Variants in MPHOSPH9 observed in about 807,000 individuals in gnomAD.
MPHOSPH9 encodes M-phase phosphoprotein 9.
MPHOSPH9 carries 88 observed loss-of-function variants against 145.5 expected under a neutral mutation model. The ratio of observed to expected loss-of-function variants is 0.60; its 90% confidence interval spans 0.51 to 0.72. The LOEUF (loss-of-function observed/expected upper bound fraction) is 0.72. Among genes scored for constraint, MPHOSPH9 ranks in the 30% least tolerant of loss-of-function variants. MPHOSPH9 has a pLI of 0.00. For synonymous variants in MPHOSPH9, 435 were observed against 486.2 expected (o/e 0.89, Z 1.39); for missense variants, 1,238 against 1,386.6 (o/e 0.89, Z 1.70).
intron 1 of MPHOSPH9, among the ~76,000 whole-genome samples, chr12:123,231,519 A>G (rs1385839065): frequency 6.6e-6 from 1 of 152,062 alleles, no homozygotes; most frequent in East Asian, 1.9e-4. Context: ...CTGTGCAGCT[A>G]TTCTTAGAAA....
At chr12:123,220,467 A>C (rs2047150530) in intron 5 of MPHOSPH9, among the ~76,000 whole-genome samples, 1 of 151,102 alleles carries the variant, frequency 6.6e-6, no homozygotes, top group African/African-American at 2.4e-5. Flanking sequence ...AGGAGACTTA[A>C]GGCAGGAGTA....
chr12:123,161,231 T>G lies in MPHOSPH9; in HGVS notation c.3286A>C (p.Thr1096Pro). ...SYEQCKPVSV[T>P]PQGNDFEYTA... ...TATTCAAAATCATTCCCCTGTGGAG[T>G]GACTGAAACCGGCTTACACTGTTCG... is the stretch of plus-strand genomic sequence containing the variant. Residue 1096 changes from threonine (T) to proline (P), a missense_variant, in exon 22 of 24, where the codon ACT becomes CCT. Physicochemically the swap from Thr to Pro is conservative, Grantham distance 38 (BLOSUM62 -1). This residue lies in a region of MPHOSPH9 where 393 missense variants were observed against 462.5 expected (regional missense o/e 0.85). Transcript: ENST00000606320. 1 of 1,614,148 alleles carries G rather than the reference T, an allele frequency of 6.2e-7. No homozygotes were observed. Among genetic ancestry groups the G allele is most frequent in the Non-Finnish European group, 8.5e-7 (1 of 1,180,022 alleles).
intron 3 of MPHOSPH9, 136 bp from the exon 4 acceptor site, chr12:123,223,263 G>A: frequency 2.2e-6 from 1 of 451,240 alleles, no homozygotes; most frequent in Admixed American, 4.1e-5. Context: ...CACTCTCATA[G>A]CTAGAGTATG....
chr12:123,207,628 C>T (rs1014429321), intron 8 of MPHOSPH9, among the ~76,000 whole-genome samples: 2 of 151,964 alleles, frequency 1.3e-5, no homozygotes, highest in African/African-American at 4.8e-5. Flanking sequence ...CCAAGGCGGG[C>T]GGATCACCTG....
At chr12:123,232,174 C>T (rs2047669710) in intron 1 of MPHOSPH9, among the ~76,000 whole-genome samples, 1 of 151,584 alleles carries the variant, frequency 6.6e-6, no homozygotes, top group South Asian at 2.1e-4. Context: ...GCTATTACAC[C>T]AGGAAAACAC....
intron 13 of MPHOSPH9, among the ~76,000 whole-genome samples, chr12:123,193,131 A>C: frequency 6.7e-6 from 1 of 148,850 alleles, no homozygotes; most frequent in South Asian, 2.1e-4. Context: ...ACACACACAC[A>C]CACACACACA....
rs765259820 is a variant in MPHOSPH9, at chr12:123,165,391, G to A, written c.2678C>T (p.Thr893Met). Residue 893 changes from threonine to methionine, a missense_variant, in exon 18 of 24, where the codon ACG becomes ATG. Physicochemically the swap from Thr to Met is moderately conservative, Grantham distance 81. Transcript: ENST00000606320. ...LIKKQRETSDTPIMRALKELD... is the reference protein window; with the variant it reads ...LIKKQRETSDMPIMRALKELD... ...TTCTTTTAAAGCTCTCATGATCGGC[G>A]TGTCTGAAGTCTCTCTTTGCTTTTT... is the stretch of plus-strand genomic sequence containing the variant. 5.9e-5 allele frequency: 95 copies of A among 1,613,484 alleles called. No homozygotes were observed. The highest frequency in any genetic ancestry group is 4.2e-4 in the South Asian group (38 of 91,074).
intron 19 of MPHOSPH9, 40 bp from the exon 20 acceptor site, chr12:123,163,174 A>G (rs1403342726): frequency 7.8e-6 from 12 of 1,534,380 alleles, no homozygotes; most frequent in Non-Finnish European, 9.6e-6. Context: ...TTTTCCTTCT[A>G]TATGTATCAG....
At chr12:123,180,040 G>T (rs1035654166) in intron 14 of MPHOSPH9, 50 bp from the exon 15 acceptor site, 1 of 1,008,306 alleles carries the variant, frequency 9.9e-7, no homozygotes, top group South Asian at 1.8e-5. Context: ...ATATTCACAT[G>T]AATTATTTTA....
chr12:123,230,642 A>G (rs187969709), intron 1 of MPHOSPH9, 120 bp from the exon 2 acceptor site: 3 of 254,066 alleles, frequency 1.2e-5, no homozygotes, highest in Admixed American at 1.1e-4. Flanking sequence ...GGATAGCAAC[A>G]GTATTCATAA....
chr12:123,214,816 T>TAGA lies in MPHOSPH9; in HGVS notation c.1014_1015insTCT (p.Ala338_Thr339insSer). On this transcript the variant is annotated inframe_insertion, in exon 7 of 24. Transcript: ENST00000606320. ...CTGAGGTAAAAAGCACGAGGATGTG[T>TAGA]AGCAGCAGCAAAATCAGACTACAAG... The TAGA allele has an allele frequency of 6.2e-7, 1 of 1,613,164 alleles. No homozygotes were observed. Among genetic ancestry groups the TAGA allele is most frequent in the Non-Finnish European group, 8.5e-7 (1 of 1,179,246 alleles).
At chr12:123,226,380 A>T (rs2047436540) in intron 3 of MPHOSPH9, 8 of 1,032,194 alleles carry the variant, frequency 7.8e-6, no homozygotes, top group Admixed American at 3.4e-5. Context: ...TATGCTTCTA[A>T]AAGTACAATT....
chr12:123,197,198 T>G (rs1023518212), intron 12 of MPHOSPH9, among the ~76,000 whole-genome samples: 1 of 151,818 alleles, frequency 6.6e-6, no homozygotes, highest in Non-Finnish European at 1.5e-5. Flanking sequence ...AAAATTTTTT[T>G]TTGAGACAGG....
At chr12:123,232,562 G>T (rs1220856803) in intron 1 of MPHOSPH9, among the ~76,000 whole-genome samples, 2 of 152,136 alleles carry the variant, frequency 1.3e-5, no homozygotes, top group East Asian at 3.9e-4. Context: ...GGGAGGCTTG[G>T]GGGAGAGGAA....
Position 123,194,568 on chromosome 12 carries a change from T to C in MPHOSPH9, c.2059A>G (p.Ser687Gly), listed in dbSNP as rs1485523383. 1.9e-6 allele frequency: 3 copies of C among 1,611,850 alleles called. No homozygotes were observed. Among genetic ancestry groups the C allele is most frequent in the Admixed American group, 3.3e-5 (2 of 59,750 alleles). ...CGTTCCTGCAAAATTTTGGAAGCAC[T>C]GCTGGCTGCACTGAAGCGTTCTCTC... is the stretch of plus-strand genomic sequence containing the variant. Reference protein sequence around the residue: ...DLRERFSAASSASKILQERIE... With the variant: ...DLRERFSAASGASKILQERIE... The change falls in exon 13 of 24, where the codon AGT (serine) becomes GGT (glycine). Residue 687 changes from serine (S) to glycine (G), a missense_variant. Physicochemically the swap from Ser to Gly is moderately conservative, Grantham distance 56. Around this residue, in one of 3 missense-constraint regions of MPHOSPH9, gnomAD observed 837 missense variants for 897.5 expected, o/e 0.93. Coordinates refer to ENST00000606320, the MANE Select transcript of MPHOSPH9 (RefSeq NM_022782.4).
intron 2 of MPHOSPH9, among the ~76,000 whole-genome samples, chr12:123,228,638 A>G (rs2047523039): frequency 6.6e-6 from 1 of 152,174 alleles, no homozygotes; most frequent in South Asian, 2.1e-4. Context: ...CAATGAGCTG[A>G]GATGGCACCA....
intron 1 of MPHOSPH9, among the ~76,000 whole-genome samples, chr12:123,230,800 A>C (rs1196881817): frequency 1.3e-5 from 2 of 152,248 alleles, no homozygotes; most frequent in Non-Finnish European, 2.9e-5. Flanking sequence ...GCTAAGTAAA[A>C]AAAGCCAGTC....
At chr12:123,240,234 C>T (rs1212165492) in intron 1 of MPHOSPH9, among the ~76,000 whole-genome samples, 1 of 146,524 alleles carries the variant, frequency 6.8e-6, no homozygotes, top group Non-Finnish European at 1.5e-5. Context: ...AAAAGCTGGA[C>T]GTGGTGGTGG....
intron 6 of MPHOSPH9, 130 bp downstream of exon 6, chr12:123,218,245 AC>A: frequency 1.5e-6 from 2 of 1,335,468 alleles, no homozygotes; most frequent in Non-Finnish European, 2.0e-6. Context: ...AAAAACAACA[AC>A]AAAAAAAATG....
Sources: allele counts gnomAD v4.1 joint callset (sites outside exome capture counted in the v4.1 genomes callset), GRCh38; gene constraint gnomAD v4.1.1; regional missense constraint gnomAD v4.1.1; transcripts MANE v1.5; gene names NCBI Gene and HGNC (gene_info 2026-07-23, HGNC 2026-07-21).